The following ZSCAN22 variants were observed in gnomAD, a reference collection of about 807,000 sequenced individuals.
ZSCAN22 encodes the protein zinc finger and SCAN domain-containing protein 22.
Under a neutral mutation model 12.4 loss-of-function variants are expected in ZSCAN22, and 7 were observed. That is an observed-to-expected ratio of 0.57 (90% CI 0.32 to 1.06). The LOEUF is 1.06. Ranked by LOEUF, ZSCAN22 falls within the 50% of genes least tolerant of loss-of-function variation. The probability of loss-of-function intolerance (pLI) is 0.04; values close to 1 mark genes in which losing one functional copy is unlikely to be tolerated. For missense variants in ZSCAN22, 576 were observed against 631.7 expected, an observed-to-expected ratio of 0.91 and a Z score of 0.94; for synonymous variants, 243 against 255.9, an observed-to-expected ratio of 0.95 and a Z score of 0.48.
Position 58,338,318 on chromosome 19 carries a change from G to A in ZSCAN22, c.468G>A (p.Glu156=). 1 of 1,613,652 alleles carries A rather than the reference G, an allele frequency of 6.2e-7. No individual in the cohort carries two copies. The highest frequency in any genetic ancestry group is 8.5e-7 in the Non-Finnish European group (1 of 1,179,708). ...AGCAGAGTGACCTGGGAGAGTCAGA[G>A]CCATCAAATGTCACTGAGACCCTCA... The part of the protein sequence containing the change: ...SCKQSDLGES[E]PSNVTETLMG... The change falls in exon 3 of 3, where the codon GAG becomes GAA. Residue 156 remains glutamate, a synonymous_variant. Transcript: ENST00000329665. This position sits in a 1 kb window ranked among gnomAD's most constrained non-coding sequence, Gnocchi z 5.4.
At chr19:58,337,182 T>C (rs1355208225) in intron 2 of ZSCAN22, among the ~76,000 whole-genome samples, 7 of 152,358 alleles carry the variant, frequency 4.6e-5, no homozygotes, top group Admixed American at 4.6e-4. Context: ...GCAGCCATAT[T>C]CTACCTGGGG....
At chr19:58,327,828 A>G (rs1477266322) in intron 1 of ZSCAN22, among the ~76,000 whole-genome samples, 1 of 152,202 alleles carries the variant, frequency 6.6e-6, no homozygotes, top group Non-Finnish European at 1.5e-5. Context: ...TCAGAATAAT[A>G]CTGTGTGATG....
Position 58,335,850 on chromosome 19 carries a change from C to T in ZSCAN22, c.403+645C>T, listed in dbSNP as rs138904521. Among the ~76,000 whole-genome samples the T allele has an allele frequency of 1.5e-4, 23 of 152,338 alleles. No individual in the cohort carries two copies. The East Asian group carries it at 4.1e-3, about 27-fold the overall frequency. On this transcript the variant is annotated intron_variant, in intron 2 of 2. Coordinates refer to ENST00000329665, the MANE Select transcript of ZSCAN22 (RefSeq NM_181846.3). This position sits in a 1 kb window ranked among gnomAD's most constrained non-coding sequence, Gnocchi z 4.1. ...AGGATTTGGGTGGGTCAGACCTGCC[C>T]CAGGCTCAGCTGGGCACTGTTACTC...
In ZSCAN22 at chr19:58,339,376, G is replaced by A. The variant is rs2051844553; in HGVS notation, c.*50G>A. Reference sequence around the variant, plus strand: ...GCACAGCGTCTTCTCGGAGGCTCGAGGTCTAAGAGAAACGCTGAGTTCCTG... The same window carrying A: ...GCACAGCGTCTTCTCGGAGGCTCGAAGTCTAAGAGAAACGCTGAGTTCCTG... On this transcript the variant is annotated 3_prime_UTR_variant, in exon 3 of 3. Transcript: ENST00000329665. This position sits in a 1 kb window ranked among gnomAD's most constrained non-coding sequence, Gnocchi z 5.6. 1 of 1,496,708 alleles carries A rather than the reference G, an allele frequency of 6.7e-7. No individual in the cohort carries two copies. The highest frequency in any genetic ancestry group is 2.3e-5 in the East Asian group (1 of 43,866). The allele number at this position is 1,496,708 out of a possible 1,614,324, so 92.7% of individuals were successfully genotyped here.
Position 58,342,175 on chromosome 19 carries a change from T to C in ZSCAN22, c.*2849T>C, listed in dbSNP as rs762080741. The C allele has an allele frequency of 6.6e-6, 1 of 152,182 alleles. No individual in the cohort carries two copies. Among genetic ancestry groups the C allele is most frequent in the Non-Finnish European group, 1.5e-5 (1 of 68,048 alleles). 9.4% of individuals were successfully genotyped at this position (152,182 alleles called of 1,614,324 possible). ...CAGTCTACCAAATAATTTATATACA[T>C]CTCAGTCCTCACACAACCATCCCTG... On this transcript the variant is annotated 3_prime_UTR_variant, in exon 3 of 3. Transcript: ENST00000329665.
At position 58,339,251 on chromosome 19, in the gene ZSCAN22, C is replaced by T. The variant is rs755154141; in HGVS notation, c.1401C>T (p.Ser467=). Residue 467 remains serine, a synonymous_variant, in exon 3 of 3, where the codon AGC becomes AGT. Coordinates refer to ENST00000329665, the MANE Select transcript of ZSCAN22 (RefSeq NM_181846.3). The surrounding 1 kb of genome is among the most constrained non-coding windows in gnomAD (Gnocchi z 5.6). ...IHTGEKPYKC[S]DCGKAFSRSS... ...CGGGAGAGAAGCCTTATAAGTGCAG[C>T]GACTGTGGGAAGGCCTTCAGTCGTA... The T allele has an allele frequency of 9.3e-6, 15 of 1,613,686 alleles. No homozygotes were observed. In the African/African-American group the frequency reaches 9.3e-5, roughly 10 times the overall value.
intron 1 of ZSCAN22, among the ~76,000 whole-genome samples, chr19:58,334,135 G>T (rs1365533214): frequency 2.6e-5 from 4 of 152,226 alleles, no homozygotes; most frequent in Admixed American, 2.0e-4. Flanking sequence ...ACTTGGCTCT[G>T]TTGGGGAGGA....
rs758969264 is a variant in ZSCAN22 at position 58,334,700 on chromosome 19, A to T, written c.-51-52A>T. On this transcript the variant is annotated intron_variant, in intron 1 of 2. Coordinates refer to ENST00000329665, the MANE Select transcript of ZSCAN22 (RefSeq NM_181846.3). The stretch of plus-strand genomic sequence containing the variant: ...CCTGTGTTTTCCCTGCTCTGTAGGC[A>T]TGAGGCAGGGCCCAGGTTCCATGTG... 1.5e-5 allele frequency: 20 copies of T among 1,333,736 alleles called. No individual in the cohort carries two copies. In the African/African-American group the frequency reaches 2.2e-4, roughly 15 times the overall value. 82.6% of individuals were successfully genotyped at this position (1,333,736 alleles called of 1,614,324 possible). A position where few individuals can be genotyped will look rare whatever the true frequency, so the allele number is the denominator to read the frequency against.
At chr19:58,332,056 A>G (rs960050473) in intron 1 of ZSCAN22, among the ~76,000 whole-genome samples, 1 of 151,294 alleles carries the variant, frequency 6.6e-6, no homozygotes, top group Admixed American at 6.6e-5. Context: ...TATTTTTAGT[A>G]TAGATGGGGT....
chr19:58,338,975 G>A lies in ZSCAN22; in HGVS notation c.1125G>A (p.Thr375=), dbSNP rs59054150. The A allele has an allele frequency of 1.1e-5, 17 of 1,613,856 alleles. No individual in the cohort carries two copies. The highest frequency in any genetic ancestry group is 1.7e-4 in the Middle Eastern group (1 of 6,058). Residue 375 remains threonine (T), a synonymous_variant, in exon 3 of 3, where the codon ACG becomes ACA. Transcript: ENST00000329665. This position sits in a 1 kb window ranked among gnomAD's most constrained non-coding sequence, Gnocchi z 5.4. The part of the protein sequence containing the change: ...THLTQHQRVH[T]GERPYECDAC... ...TCACCCAGCACCAGCGGGTGCACAC[G>A]GGGGAGCGGCCCTACGAGTGTGACG...
intron 1 of ZSCAN22, 191 bp from the exon 2 acceptor site, chr19:58,334,561 C>G: frequency 2.2e-6 from 1 of 456,348 alleles, no homozygotes; most frequent in East Asian, 3.4e-5. Context: ...TTAAATGAGT[C>G]TACATGCAAG....
Position 58,334,842 on chromosome 19 carries a change from G to T in ZSCAN22, c.40G>T (p.Glu14Ter). 2 of 1,613,286 alleles carry T rather than the reference G, an allele frequency of 1.2e-6. No homozygotes were observed. The highest frequency in any genetic ancestry group is 1.7e-6 in the Non-Finnish European group (2 of 1,179,782). Residue 14 changes from glutamate (E) to a stop codon, truncating the protein, a stop_gained, in exon 2 of 3, where the codon GAA becomes TAA. Coordinates refer to ENST00000329665, the MANE Select transcript of ZSCAN22 (RefSeq NM_181846.3). LOFTEE classifies it high-confidence loss of function. ...PKHSLSPVPWEEDSFLQVKVE... is the reference protein window; with the variant it reads ...PKHSLSPVPW ...GCACTCCCTGAGCCCAGTGCCGTGG[G>T]AAGAGGACAGCTTCCTTCAAGTGAA...
Position 58,339,892 on chromosome 19 carries a change from G to C in ZSCAN22, c.*566G>C, listed in dbSNP as rs989933456. ...TTTTCTACACTCTGCCTCTCTCATG[G>C]TTTCCTGTCGTAATCAGTGGTGCTG... On this transcript the variant is annotated 3_prime_UTR_variant, in exon 3 of 3. Coordinates refer to ENST00000329665, the MANE Select transcript of ZSCAN22 (RefSeq NM_181846.3). The surrounding 1 kb of genome is among the most constrained non-coding windows in gnomAD (Gnocchi z 5.6). The C allele has an allele frequency of 1.3e-5, 2 of 153,792 alleles. No individual in the cohort carries two copies. Among genetic ancestry groups the C allele is most frequent in the African/African-American group, 4.8e-5 (2 of 41,436 alleles). The allele number at this position is 153,792 out of a possible 1,614,324, so 9.5% of individuals were successfully genotyped here.
rs1600496037 is a variant in ZSCAN22 at position 58,339,419 on chromosome 19, T to G, written c.*93T>G. On this transcript the variant is annotated 3_prime_UTR_variant, in exon 3 of 3. Coordinates refer to ENST00000329665, the MANE Select transcript of ZSCAN22 (RefSeq NM_181846.3). The surrounding 1 kb of genome is among the most constrained non-coding windows in gnomAD (Gnocchi z 5.6). Reference sequence around the variant, plus strand: ...AGTTCCTGAAGAGCCACAGACAGGGTGGGTGATTGATGAGTTGTCAAAATG... The same window carrying G: ...AGTTCCTGAAGAGCCACAGACAGGGGGGGTGATTGATGAGTTGTCAAAATG... The G allele has an allele frequency of 8.2e-7, 1 of 1,212,452 alleles. No individual in the cohort carries two copies. Among genetic ancestry groups the G allele is most frequent in the South Asian group, 1.6e-5 (1 of 64,494 alleles). 75.1% of individuals were successfully genotyped at this position (1,212,452 alleles called of 1,614,324 possible).
chr19:58,327,696 AGACTTC>A (rs1382774970), intron 1 of ZSCAN22, among the ~76,000 whole-genome samples: 7 of 152,056 alleles, frequency 4.6e-5, no homozygotes, highest in Admixed American at 2.0e-4. Context: ...TTGCCGTTTG[AGACTTC>A]CTACGTGGGT....
rs2051826925 is a variant in ZSCAN22 at position 58,338,572 on chromosome 19, A to G, written c.722A>G (p.Lys241Arg). The G allele has an allele frequency of 1.2e-6, 2 of 1,614,120 alleles. No individual in the cohort carries two copies. Among genetic ancestry groups the G allele is most frequent in the Non-Finnish European group, 1.7e-6 (2 of 1,180,058 alleles). ...TGGCCAAACCTCACCTCCCAAGAGA[A>G]GCCTCCTTCAGAAGACAAATTTGAT... ...SAWPNLTSQE[K>R]PPSEDKFDLV... Residue 241 changes from lysine (K) to arginine (R), a missense_variant, in exon 3 of 3, where the codon AAG becomes AGG. By Grantham distance (26) the Lys-to-Arg change is conservative. Transcript: ENST00000329665. The surrounding 1 kb of genome is among the most constrained non-coding windows in gnomAD (Gnocchi z 5.4).
At chr19:58,327,412 C>T (rs2051666125) in intron 1 of ZSCAN22, among the ~76,000 whole-genome samples, 1 of 152,094 alleles carries the variant, frequency 6.6e-6, no homozygotes, top group South Asian at 2.1e-4. Context: ...GAGTGCCGGA[C>T]GGACCGACGG....
rs755275591 is a variant in ZSCAN22 at position 58,338,415 on chromosome 19, C to T, written c.565C>T (p.Leu189=). The part of the protein sequence containing the change: ...EPEGSSERSG[L]SGEIWTKSVT... ...TGAGGGCAGCTCAGAGAGGTCTGGA[C>T]TATCAGGGGAGATCTGGACAAAGTC... Residue 189 remains leucine (L), a synonymous_variant, in exon 3 of 3, where the codon CTA becomes TTA. Coordinates refer to ENST00000329665, the MANE Select transcript of ZSCAN22 (RefSeq NM_181846.3). The surrounding 1 kb of genome is among the most constrained non-coding windows in gnomAD (Gnocchi z 5.4). The T allele has an allele frequency of 6.2e-7, 1 of 1,614,190 alleles. No homozygotes were observed. Among genetic ancestry groups the T allele is most frequent in the Admixed American group, 1.7e-5 (1 of 60,028 alleles).
intron 1 of ZSCAN22, among the ~76,000 whole-genome samples, chr19:58,332,260 C>T (rs1600486435): frequency 7.1e-6 from 1 of 141,178 alleles, no homozygotes; most frequent in Non-Finnish European, 1.5e-5. Flanking sequence ...CTGACAAACA[C>T]TAATATGCTT....
Sources: gnomAD v4.1 joint callset for allele counts (sites outside exome capture counted in the v4.1 genomes callset) on GRCh38, gnomAD v4.1.1 for gene constraint, Gnocchi (gnomAD v3.1) non-coding constraint, MANE v1.5 for transcripts, NCBI Gene and HGNC (gene_info 2026-07-23, HGNC 2026-07-21) for gene names.